The following RYR2 variants were observed in gnomAD, a reference collection of about 807,000 sequenced individuals.
The protein encoded by RYR2 is cardiac muscle ryanodine receptor-calcium release channel.
RYR2 carries 227 observed loss-of-function variants against 601.1 expected under a neutral mutation model. The ratio of observed to expected loss-of-function variants is 0.38; its 90% CI spans 0.34 to 0.42. The LOEUF (loss-of-function observed/expected upper bound fraction) is 0.42, where lower values mean the gene tolerates loss of function less well. Ranked by LOEUF, RYR2 falls within the 10% of genes least tolerant of loss-of-function variation. RYR2 has a pLI of 1.00. For synonymous variants in RYR2, 2,223 were observed against 2,175.1 expected, an observed-to-expected ratio of 1.02 and a Z score of -0.61; for missense variants, 4,646 against 6,156.5, an observed-to-expected ratio of 0.75 and a Z score of 8.21.
rs1573427862 is a variant in RYR2, at chr1:237,667,890, C to A, written c.8522C>A (p.Ala2841Glu). 2 of 1,580,344 alleles carry A rather than the reference C, an allele frequency of 1.3e-6. No individual in the cohort carries two copies. Among genetic ancestry groups the A allele is most frequent in the East Asian group, 4.6e-5 (2 of 43,500 alleles). Residue 2841 changes from alanine (A) to glutamate (E), a missense_variant, in exon 58 of 105, where the codon GCA becomes GAA. Coordinates refer to ENST00000366574, the MANE Select transcript of RYR2 (RefSeq NM_001035.3). ...VTLSRDLHAM[A>E]EMMAENYHNI... ...TATTTTTGTTCATTTAAGGCTATGG[C>A]AGAAATGATGGCTGAAAACTACCAT...
At position 237,207,144 on chromosome 1, in the gene RYR2, CAA is replaced by C. The variant is rs5781942; in HGVS notation, c.49-63339_49-63338del. Among the ~76,000 whole-genome samples, 163 of 137,920 alleles carry C rather than the reference CAA, an allele frequency of 1.2e-3. 1 individual carries two copies. The highest frequency in any genetic ancestry group is 1.6e-3 in the Admixed American group (23 of 13,976). 90.5% of individuals were successfully genotyped at this position (137,920 alleles called of 152,430 possible). On this transcript the variant is annotated intron_variant, in intron 1 of 104. Coordinates refer to ENST00000366574, the MANE Select transcript of RYR2 (RefSeq NM_001035.3). ...GACAACAGTGAAAACCTGTCTCTACCAAAAAAAAAAAAAAATTAAAAAATAAT... is the reference window on the plus strand; with the variant it reads ...GACAACAGTGAAAACCTGTCTCTACCAAAAAAAAAAAAATTAAAAAATAAT...
chr1:237,220,701 AG>A (rs1683713195), intron 1 of RYR2, among the ~76,000 whole-genome samples: 1 of 152,192 alleles, frequency 6.6e-6, no homozygotes, highest in South Asian at 2.1e-4. Flanking sequence ...TTTACAGTTG[AG>A]GAAATGCCTG....
At chr1:237,171,489 C>G (rs1202793572) in intron 1 of RYR2, among the ~76,000 whole-genome samples, 1 of 152,066 alleles carries the variant, frequency 6.6e-6, no homozygotes, top group Non-Finnish European at 1.5e-5. Flanking sequence ...ATCAGAATGC[C>G]TTTGATTTAT....
intron 1 of RYR2, among the ~76,000 whole-genome samples, chr1:237,103,594 A>T (rs1490225409): frequency 6.6e-6 from 1 of 152,014 alleles, no homozygotes; most frequent in East Asian, 1.9e-4. Context: ...TTGAGACAGA[A>T]TTTCACTCTT....
Position 237,680,578 on chromosome 1 carries a change from G to C in RYR2, c.9017+1G>C. Reference sequence around the variant, plus strand: ...ACAAAGAGAAAGAAATGGTGACTAGGTAAACAGCTATAAAAATAAGCACTG... The same window carrying C: ...ACAAAGAGAAAGAAATGGTGACTAGCTAAACAGCTATAAAAATAAGCACTG... On this transcript the variant is annotated splice_donor_variant, in intron 62 of 104. Transcript: ENST00000366574. LOFTEE classifies it high-confidence loss of function. 1 of 1,595,696 alleles carries C rather than the reference G, an allele frequency of 6.3e-7. No individual in the cohort carries two copies. The highest frequency in any genetic ancestry group is 8.5e-7 in the Non-Finnish European group (1 of 1,170,640).
In RYR2 at chr1:237,481,105, T is replaced by TATATATGTATATATATTTAC. The variant is rs1355744371; in HGVS notation, c.1709-10700_1709-10699insTATATGTATATATATTTACA. 1.9e-4 allele frequency among the ~76,000 whole-genome samples: 22 copies of TATATATGTATATATATTTAC among 117,748 alleles called. 1 individual carries two copies. Among genetic ancestry groups the TATATATGTATATATATTTAC allele is most frequent in the African/African-American group, 2.9e-4 (6 of 20,450 alleles). The allele number at this position is 117,748 out of a possible 152,430, so 77.2% of individuals were successfully genotyped here. ...GAATTGTTATTTTTAAGTGTATATATACATATATATATATATATATACACA... is the reference window on the plus strand; with the variant it reads ...GAATTGTTATTTTTAAGTGTATATATATATATGTATATATATTTACACATATATATATATATATATACACA... On this transcript the variant is annotated intron_variant, in intron 17 of 104. Coordinates refer to ENST00000366574, the MANE Select transcript of RYR2 (RefSeq NM_001035.3).
intron 101 of RYR2, among the ~76,000 whole-genome samples, chr1:237,823,521 T>G (rs1459378380): frequency 1.3e-5 from 2 of 152,168 alleles, no homozygotes; most frequent in African/African-American, 4.8e-5. Flanking sequence ...CTGGGACACA[T>G]TTAAAGTAGT....
intron 1 of RYR2, among the ~76,000 whole-genome samples, chr1:237,121,443 TA>T (rs1670767882): frequency 6.6e-6 from 1 of 152,196 alleles, no homozygotes; most frequent in Non-Finnish European, 1.5e-5. Flanking sequence ...CTGTTTACAG[TA>T]AAAATGTATT....
intron 1 of RYR2, among the ~76,000 whole-genome samples, chr1:237,230,735 A>G (rs879700545): frequency 6.6e-6 from 1 of 152,156 alleles, no homozygotes; most frequent in East Asian, 1.9e-4. Flanking sequence ...CCTGGCCAAC[A>G]TGGCAAAAAC....
intron 11 of RYR2, among the ~76,000 whole-genome samples, chr1:237,421,867 T>G (rs561886708): frequency 6.6e-6 from 1 of 152,330 alleles, no homozygotes; most frequent in South Asian, 2.1e-4. Context: ...ATACACTTTT[T>G]CTTCATAACA....
chr1:237,469,258 CAAA>C (rs66912945), intron 17 of RYR2, 71 bp downstream of exon 17: 1,190 of 111,476 alleles, frequency 0.011, no homozygotes, highest in South Asian at 0.027. Context: ...TCCTTTAAGA[CAAA>C]AAAAAAAAAA....
intron 62 of RYR2, among the ~76,000 whole-genome samples, chr1:237,681,815 C>G (rs16835626): frequency 0.042 from 6,394 of 152,154 alleles, 429 homozygotes; most frequent in African/African-American, 0.14. Context: ...CAGTATCCCC[C>G]TGTGGATTGT....
chr1:237,280,253 T>C (rs1690720707), intron 2 of RYR2, among the ~76,000 whole-genome samples: 1 of 152,218 alleles, frequency 6.6e-6, no homozygotes, highest in African/African-American at 2.4e-5. Context: ...CTAGATGATG[T>C]AAGAAAGATT....
chr1:237,120,884 C>T (rs1670692603), intron 1 of RYR2: 1 of 152,258 alleles, frequency 6.6e-6, no homozygotes, highest in Non-Finnish European at 1.5e-5. Context: ...CTCCATCTCT[C>T]CCCTCATGCC....
chr1:237,266,069 G>A (rs140031554), intron 1 of RYR2, among the ~76,000 whole-genome samples: 2 of 152,226 alleles, frequency 1.3e-5, no homozygotes, highest in East Asian at 3.9e-4. Context: ...CTGGGCCAAG[G>A]TGAAAAAAAT....
At chr1:237,675,083 T>C (rs1685281054) in intron 60 of RYR2, among the ~76,000 whole-genome samples, 2 of 152,190 alleles carry the variant, frequency 1.3e-5, no homozygotes, top group Admixed American at 1.3e-4. Context: ...TAATGTTTAT[T>C]GGCATTTATT....
At chr1:237,650,239 G>A (rs1682589174) in intron 50 of RYR2, 142 bp downstream of exon 50, 1 of 760,210 alleles carries the variant, frequency 1.3e-6, no homozygotes, top group South Asian at 1.8e-5. Context: ...ATATACTGAG[G>A]TATGAGTCTT....
intron 1 of RYR2, among the ~76,000 whole-genome samples, chr1:237,192,779 A>G (rs1026447705): frequency 3.3e-5 from 5 of 152,146 alleles, no homozygotes; most frequent in East Asian, 1.9e-4. Context: ...AGTTGTTTTG[A>G]TTTTTATTTT....
chr1:237,256,790 C>T (rs796758429), intron 1 of RYR2, among the ~76,000 whole-genome samples: 3 of 152,136 alleles, frequency 2.0e-5, no homozygotes, highest in African/African-American at 7.2e-5. Context: ...TGAGAACGGT[C>T]GCTTTCTCAT....
Sources: gnomAD v4.1 joint callset for allele counts (sites outside exome capture counted in the v4.1 genomes callset) on GRCh38, gnomAD v4.1.1 for gene constraint, MANE v1.5 for transcripts, NCBI Gene and HGNC (gene_info 2026-07-23, HGNC 2026-07-21) for gene names.